The following ABCA8 variants were observed in gnomAD, a reference collection of about 807,000 sequenced individuals.
The protein encoded by ABCA8 is ATP binding cassette subfamily A member 8.
A neutral mutation model predicts 192.3 loss-of-function variants in ABCA8; 177 were observed. That is an observed-to-expected ratio of 0.92 (90% CI 0.81 to 1.04). The LOEUF (loss-of-function observed/expected upper bound fraction) is 1.04. ABCA8 is among the 50% of genes least tolerant of loss of function. ABCA8 has a pLI of 0.00. For missense variants in ABCA8, 1,915 were observed against 1,904.8 expected (o/e 1.01, Z -0.10); for synonymous variants, 642 against 690.2 (o/e 0.93, Z 1.09).
chr17:68,928,106 G>T lies in ABCA8; in HGVS notation c.1126-43C>A, dbSNP rs2067753155. The T allele has an allele frequency of 2.0e-6, 3 of 1,479,662 alleles. No homozygotes were observed. In the East Asian group the frequency reaches 6.9e-5, roughly 34 times the overall value. The allele number at this position is 1,479,662 out of a possible 1,614,324, so 91.7% of individuals were successfully genotyped here. A position where few individuals can be genotyped will look rare whatever the true frequency, so the allele number is the denominator to read the frequency against. ...ATTAATTAAGGGAAATTAGGTATAA[G>T]ATACATTTTAAACAGTTAGGTTTAG... On this transcript the variant is annotated intron_variant, in intron 9 of 39. Coordinates refer to ENST00000586539, the MANE Select transcript of ABCA8 (RefSeq NM_001288985.2).
intron 24 of ABCA8, among the ~76,000 whole-genome samples, chr17:68,889,438 C>G (rs2143367657): frequency 6.6e-6 from 1 of 152,288 alleles, no homozygotes; most frequent in East Asian, 1.9e-4. Context: ...TGTAAATAAA[C>G]ATTTGTAAGT....
rs1256402493 is a variant in ABCA8 at position 68,907,798 on chromosome 17, G to A, written c.2220C>T (p.Ala740=). Residue 740 remains alanine (A), a synonymous_variant, in exon 18 of 40, where the codon GCC becomes GCT. Coordinates refer to ENST00000586539, the MANE Select transcript of ABCA8 (RefSeq NM_001288985.2). ...KQHIPDAKLS[A]KSEGKLIYTL... ...TATAAATAAGTTTTCCTTCGCTTTT[G>A]GCTGATAATTTGGCATCAGGGATGT... 3.7e-6 allele frequency: 6 copies of A among 1,608,484 alleles called. No homozygotes were observed. Among genetic ancestry groups the A allele is most frequent in the Non-Finnish European group, 4.2e-6 (5 of 1,177,582 alleles).
chr17:68,932,083 A>G (rs140471666), intron 7 of ABCA8: 13,066 of 407,630 alleles, frequency 0.032, 1,435 homozygotes, highest in African/African-American at 0.23. Flanking sequence ...GGTGGTCGGC[A>G]CCTGCAGTCC....
intron 5 of ABCA8, 100 bp from the exon 6 acceptor site, chr17:68,933,371 A>T: frequency 1.4e-6 from 1 of 693,172 alleles, no homozygotes; most frequent in Non-Finnish European, 2.4e-6. Context: ...CTTTACAATG[A>T]CCCCAAATTC....
chr17:68,945,972 CTTAT>C (rs1462646087), intron 2 of ABCA8, among the ~76,000 whole-genome samples: 4 of 151,862 alleles, frequency 2.6e-5, no homozygotes. Context: ...GGTTCTTCAT[CTTAT>C]TTATTTTTTT....
intron 21 of ABCA8, among the ~76,000 whole-genome samples, chr17:68,896,235 T>G (rs778351143): frequency 1.3e-5 from 2 of 152,164 alleles, no homozygotes; most frequent in Non-Finnish European, 2.9e-5. Flanking sequence ...ATTCCCTTGG[T>G]TGAACCATAC....
intron 2 of ABCA8, among the ~76,000 whole-genome samples, chr17:68,946,983 G>A (rs2068429839): frequency 6.6e-6 from 1 of 151,950 alleles, no homozygotes; most frequent in Non-Finnish European, 1.5e-5. Flanking sequence ...GAGAGAGAAA[G>A]AAAGAAAATA....
intron 1 of ABCA8, among the ~76,000 whole-genome samples, chr17:68,952,741 A>G (rs576190485): frequency 6.6e-6 from 1 of 152,258 alleles, no homozygotes; most frequent in East Asian, 1.9e-4. Flanking sequence ...AAAATTGCTT[A>G]CAGAGAGTGG....
chr17:68,925,875 G>A (rs776259191), intron 10 of ABCA8, among the ~76,000 whole-genome samples: 6 of 152,138 alleles, frequency 3.9e-5, no homozygotes, highest in Admixed American at 6.5e-5. Context: ...TTTGAACAAA[G>A]TCACCTCTGG....
At position 68,867,872 on chromosome 17, in the gene ABCA8, G is replaced by C; in HGVS notation, c.*213C>G. 2.0e-6 allele frequency: 1 copy of C among 508,606 alleles called. No homozygotes were observed. The allele number at this position is 508,606 out of a possible 1,614,324, so 31.5% of individuals were successfully genotyped here. On this transcript the variant is annotated 3_prime_UTR_variant, in exon 40 of 40. Transcript: ENST00000586539. ...CAATGGAACCAGTATGGCCTGCAGA[G>C]ATACAGAGGCTGTGAGAGGAGGTTG... is the stretch of plus-strand genomic sequence containing the variant.
In ABCA8 at chr17:68,876,476, C is replaced by T. The variant is rs767521022; in HGVS notation, c.4354G>A (p.Gly1452Arg). 8 of 1,613,888 alleles carry T rather than the reference C, an allele frequency of 5.0e-6. No homozygotes were observed. The highest frequency in any genetic ancestry group is 3.3e-5 in the Admixed American group (2 of 59,998). The part of the protein sequence containing the change: ...DEPSTGMDPE[G>R]QQQMWQAIRA... ...GTTCCTCACCACATTTGCTGCTGCC[C>T]CTCGGGGTCCATCCCGGTCGACGGC... The change falls in exon 35 of 40, where the codon GGG becomes AGG. Residue 1452 changes from glycine (G) to arginine (R), a missense_variant. By Grantham distance (125) the Gly-to-Arg change is moderately radical. Coordinates refer to ENST00000586539, the MANE Select transcript of ABCA8 (RefSeq NM_001288985.2).
intron 21 of ABCA8, among the ~76,000 whole-genome samples, chr17:68,897,912 G>A (rs1246116861): frequency 6.6e-6 from 1 of 152,040 alleles, no homozygotes; most frequent in African/African-American, 2.4e-5. Context: ...AGAGGAGAGA[G>A]ATAAAAGAAG....
chr17:68,909,396 G>T lies in ABCA8; in HGVS notation c.2139-1517C>A, dbSNP rs78712043. On this transcript the variant is annotated intron_variant, in intron 17 of 39. Transcript: ENST00000586539. ...CAAACTGTATTTACAGAAAGAGGAA[G>T]TAGGCTGGATGTGGCTCATGAGCTA... is the stretch of plus-strand genomic sequence containing the variant. Among the ~76,000 whole-genome samples, 526 of 152,296 alleles carry T rather than the reference G, an allele frequency of 3.5e-3. 6 individuals carry two copies. The highest frequency in any genetic ancestry group is 0.012 in the African/African-American group (516 of 41,548).
chr17:68,887,271 A>T (rs2066486433), intron 25 of ABCA8, 65 bp downstream of exon 25: 1 of 1,451,076 alleles, frequency 6.9e-7, no homozygotes, highest in African/African-American at 1.4e-5. Flanking sequence ...AATGTTCCAA[A>T]ATTTCAAATT....
At chr17:68,950,218 C>T (rs140344788) in intron 1 of ABCA8, among the ~76,000 whole-genome samples, 8 of 152,252 alleles carry the variant, frequency 5.3e-5, no homozygotes, top group South Asian at 2.1e-4. Context: ...AAAAACATTT[C>T]GTGCTCATAG....
chr17:68,888,613 G>A (rs975874249), intron 24 of ABCA8, among the ~76,000 whole-genome samples: 1 of 152,146 alleles, frequency 6.6e-6, no homozygotes, highest in Admixed American at 6.6e-5. Flanking sequence ...ATGTGGTGCT[G>A]CTATATATGG....
intron 17 of ABCA8, among the ~76,000 whole-genome samples, chr17:68,915,887 A>G (rs2067346274): frequency 6.6e-6 from 1 of 152,218 alleles, no homozygotes; most frequent in African/African-American, 2.4e-5. Context: ...GTGTCCATCA[A>G]CAGATGATTG....
intron 33 of ABCA8, 121 bp from the exon 34 acceptor site, chr17:68,876,824 G>T (rs2066220595): frequency 1.7e-6 from 2 of 1,190,902 alleles, no homozygotes; most frequent in Admixed American, 2.0e-5. Context: ...ATGTGGTCGG[G>T]GGGCAGGGAA....
chr17:68,947,499 G>A (rs4147953), intron 2 of ABCA8, among the ~76,000 whole-genome samples: 77,217 of 151,814 alleles, frequency 0.51, 20,106 homozygotes, highest in Middle Eastern at 0.59. Flanking sequence ...CTGTTCTCCA[G>A]GGCAGTTTGT....
Sources: allele counts gnomAD v4.1 joint callset (sites outside exome capture counted in the v4.1 genomes callset), GRCh38; gene constraint gnomAD v4.1.1; transcripts MANE v1.5; gene names NCBI Gene and HGNC (gene_info 2026-07-23, HGNC 2026-07-21).